The following WDR25 variants were observed in gnomAD, a reference collection of about 807,000 sequenced individuals.
WDR25 encodes the protein WD repeat-containing protein 25.
WDR25 carries 35 observed loss-of-function variants against 47.7 expected under a neutral mutation model. That is an observed-to-expected ratio of 0.73 (90% CI 0.56 to 0.97). The LOEUF is 0.97. WDR25 is among the 50% of genes least tolerant of loss of function. The pLI is 0.00. For synonymous variants in WDR25, 248 were observed against 278.9 expected (o/e 0.89, Z 1.10); for missense variants, 634 against 704.7 (o/e 0.90, Z 1.14).
Position 100,428,507 on chromosome 14 carries a change from T to C in WDR25, c.823-39514T>C, listed in dbSNP as rs1024953721. On this transcript the variant is annotated intron_variant, in intron 2 of 6. Transcript: ENST00000402312. This position sits in a 1 kb window ranked among gnomAD's most constrained non-coding sequence, Gnocchi z 4.3. ...GGGACAGTGCCTGAGCGCCGGGGGC[T>C]GCACATGGTGCCTGTCTCTCTGCGT... is the stretch of plus-strand genomic sequence containing the variant. Among the ~76,000 whole-genome samples, 3 of 152,180 alleles carry C rather than the reference T, an allele frequency of 2.0e-5. No individual in the cohort carries two copies. The highest frequency in any genetic ancestry group is 6.5e-5 in the Admixed American group (1 of 15,284).
chr14:100,505,118 T>C (rs1170260854), intron 4 of WDR25, among the ~76,000 whole-genome samples: 1 of 152,202 alleles, frequency 6.6e-6, no homozygotes, highest in Non-Finnish European at 1.5e-5. Context: ...TTTTCTCCTA[T>C]TACATAGGTT....
At chr14:100,517,942 A>C (rs1315441485) in intron 4 of WDR25, among the ~76,000 whole-genome samples, 1 of 152,240 alleles carries the variant, frequency 6.6e-6, no homozygotes, top group Non-Finnish European at 1.5e-5. Flanking sequence ...TATGGATTAC[A>C]TCTACATACA....
chr14:100,471,448 C>G (rs755219607), intron 3 of WDR25, among the ~76,000 whole-genome samples: 2 of 152,216 alleles, frequency 1.3e-5, no homozygotes, highest in Non-Finnish European at 2.9e-5. Context: ...CTCTCTTTAG[C>G]CATTGGGGTG....
At chr14:100,459,803 T>A (rs1899318206) in intron 2 of WDR25, among the ~76,000 whole-genome samples, 2 of 150,106 alleles carry the variant, frequency 1.3e-5, no homozygotes, top group Admixed American at 1.3e-4. Context: ...GACAACAAAA[T>A]TCTGTTGTTT....
intron 4 of WDR25, among the ~76,000 whole-genome samples, chr14:100,485,495 A>C (rs1232175670): frequency 6.6e-6 from 1 of 152,220 alleles, no homozygotes; most frequent in Non-Finnish European, 1.5e-5. Context: ...TCATGCAGAC[A>C]GGGCAGATAC....
At chr14:100,387,676 G>A (rs1462778393) in intron 2 of WDR25, among the ~76,000 whole-genome samples, 5 of 152,184 alleles carry the variant, frequency 3.3e-5, no homozygotes, top group Admixed American at 2.0e-4. Context: ...AGACTTGTCC[G>A]TGGTCACACA....
intron 2 of WDR25, among the ~76,000 whole-genome samples, chr14:100,409,291 A>T (rs1175596568): frequency 6.6e-6 from 1 of 152,154 alleles, no homozygotes; most frequent in Non-Finnish European, 1.5e-5. Flanking sequence ...GCGCAAGGTG[A>T]TGTGGTAGCT....
Position 100,407,434 on chromosome 14 carries a change from T to C in WDR25, c.822+25688T>C, listed in dbSNP as rs180834191. ...ACTAGAAAGTCGGTCTGGCTGAAGC[T>C]AAGTGAGGCCAGCCTTCTGGGTGTT... On this transcript the variant is annotated intron_variant, in intron 2 of 6. Coordinates refer to ENST00000402312, the MANE Select transcript of WDR25 (RefSeq NM_001161476.3). The surrounding 1 kb of genome is among the most constrained non-coding windows in gnomAD (Gnocchi z 4.1). The C allele has an allele frequency of 2.6e-5, 4 of 152,388 alleles. No individual in the cohort carries two copies. The East Asian group carries it at 7.7e-4, about 29-fold the overall frequency. 9.4% of individuals were successfully genotyped at this position (152,388 alleles called of 1,614,324 possible).
intron 2 of WDR25, among the ~76,000 whole-genome samples, chr14:100,412,835 G>A (rs1182814847): frequency 6.6e-6 from 1 of 152,170 alleles, no homozygotes; most frequent in African/African-American, 2.4e-5. Context: ...GAATGGTTTT[G>A]TTGTTGTCGT....
intron 2 of WDR25, among the ~76,000 whole-genome samples, chr14:100,411,538 T>A (rs78850744): frequency 7.7e-6 from 1 of 130,464 alleles, no homozygotes; most frequent in Non-Finnish European, 1.7e-5. Flanking sequence ...TGCTTTTTGC[T>A]TTTTTTTTTT....
At chr14:100,465,378 C>G (rs1197275910) in intron 2 of WDR25, among the ~76,000 whole-genome samples, 1 of 152,224 alleles carries the variant, frequency 6.6e-6, no homozygotes, top group Non-Finnish European at 1.5e-5. Flanking sequence ...TCCCCCAGCC[C>G]TGGCCACCAC....
At chr14:100,494,085 G>T (rs1233129131) in intron 4 of WDR25, among the ~76,000 whole-genome samples, 1 of 152,174 alleles carries the variant, frequency 6.6e-6, no homozygotes, top group Non-Finnish European at 1.5e-5. Context: ...TGGAGACAGG[G>T]TCTCACACTC....
intron 4 of WDR25, among the ~76,000 whole-genome samples, chr14:100,492,978 A>G (rs1284660843): frequency 7.2e-5 from 11 of 152,094 alleles, no homozygotes; most frequent in Non-Finnish European, 7.4e-5. Context: ...TGCCTGGCTA[A>G]TTTTTAAATT....
rs532765387 is a variant in WDR25, at chr14:100,453,248, G to A, written c.823-14773G>A. Among the ~76,000 whole-genome samples, 11 of 152,314 alleles carry A rather than the reference G, an allele frequency of 7.2e-5. No homozygotes were observed. The South Asian group carries it at 2.3e-3, about 32-fold the overall frequency. On this transcript the variant is annotated intron_variant, in intron 2 of 6. Transcript: ENST00000402312. Reference sequence around the variant, plus strand: ...AGTGGGTTGGACCTTGAGGGGTATTGCAGGTGGGAGGTAGAAGAGCATTAG... The same window carrying A: ...AGTGGGTTGGACCTTGAGGGGTATTACAGGTGGGAGGTAGAAGAGCATTAG...
chr14:100,391,082 G>C (rs1897134393), intron 2 of WDR25, among the ~76,000 whole-genome samples: 2 of 152,138 alleles, frequency 1.3e-5, no homozygotes, highest in African/African-American at 4.8e-5. Flanking sequence ...CCCCCAGGGT[G>C]TTGTGTGATG....
Position 100,378,785 on chromosome 14 carries a change from C to T in WDR25, c.-15-2125C>T, listed in dbSNP as rs1375508401. Among the ~76,000 whole-genome samples the T allele has an allele frequency of 1.7e-4, 7 of 41,934 alleles. 3 individuals carry two copies. The highest frequency in any genetic ancestry group is 5.0e-4 in the Non-Finnish European group (6 of 11,968). The allele number at this position is 41,934 out of a possible 152,430, so 27.5% of individuals were successfully genotyped here. A position where few individuals can be genotyped will look rare whatever the true frequency, so the allele number is the denominator to read the frequency against. On this transcript the variant is annotated intron_variant, in intron 1 of 6. Transcript: ENST00000402312. ...CATCCCGGCTAAAACGGTGAAACCCCGTCTCTACTAAAAATACAAAAAATT... is the reference window on the plus strand; with the variant it reads ...CATCCCGGCTAAAACGGTGAAACCCTGTCTCTACTAAAAATACAAAAAATT...
chr14:100,439,607 A>G (rs1226776016), intron 2 of WDR25, among the ~76,000 whole-genome samples: 2 of 152,050 alleles, frequency 1.3e-5, no homozygotes, highest in Non-Finnish European at 2.9e-5. Context: ...TGGAGACAGA[A>G]CTCTCTGGAA....
chr14:100,505,725 CTCT>C (rs1323272838), intron 4 of WDR25, among the ~76,000 whole-genome samples: 2 of 152,064 alleles, frequency 1.3e-5, no homozygotes, highest in East Asian at 1.9e-4. Flanking sequence ...ATTTATTTAG[CTCT>C]TCTTTAGTTT....
Position 100,498,745 on chromosome 14 carries a change from A to G in WDR25, c.1101+14621A>G, listed in dbSNP as rs58628622. Among the ~76,000 whole-genome samples the G allele has an allele frequency of 0.14, 20,803 of 152,146 alleles. 4,537 individuals are homozygous for G. The highest frequency in any genetic ancestry group is 0.46 in the African/African-American group (19,187 of 41,478). On this transcript the variant is annotated intron_variant, in intron 4 of 6. Transcript: ENST00000402312. This position sits in a 1 kb window ranked among gnomAD's most constrained non-coding sequence, Gnocchi z 4.2. ...GTGCAGAGAGGCACCTTGCTGAGGG[A>G]TAGGTGGGGTCTGTATTCCATTCCA...
Sources: gnomAD v4.1 joint callset for allele counts (sites outside exome capture counted in the v4.1 genomes callset) on GRCh38, gnomAD v4.1.1 for gene constraint, Gnocchi (gnomAD v3.1) non-coding constraint, MANE v1.5 for transcripts, NCBI Gene and HGNC (gene_info 2026-07-23, HGNC 2026-07-21) for gene names.